Variants in FGD6 observed in about 807,000 individuals in gnomAD.
FGD6 encodes FYVE, RhoGEF and PH domain containing 6.
A neutral mutation model predicts 149.4 loss-of-function variants in FGD6; 90 were observed. That is an observed-to-expected ratio of 0.60 (90% confidence interval 0.51 to 0.72). FGD6 has a LOEUF of 0.72. Among genes scored for constraint, FGD6 ranks in the 30% least tolerant of loss-of-function variants. The probability of loss-of-function intolerance (pLI) is 0.00; values close to 1 mark genes in which losing one functional copy is unlikely to be tolerated. For missense variants in FGD6, 1,437 were observed against 1,684.8 expected (o/e 0.85, Z 2.57); for synonymous variants, 527 against 584.0 (o/e 0.90, Z 1.41).
chr12:95,118,088 T>C (rs1879074479), intron 8 of FGD6, among the ~76,000 whole-genome samples: 1 of 152,076 alleles, frequency 6.6e-6, no homozygotes, highest in East Asian at 1.9e-4. Context: ...TAATGGCTCA[T>C]GCCTGTAATC....
chr12:95,158,115 G>C (rs1033433419), intron 3 of FGD6, among the ~76,000 whole-genome samples: 3 of 146,920 alleles, frequency 2.0e-5, no homozygotes, highest in Non-Finnish European at 4.4e-5. Flanking sequence ...CAAAGTGCTT[G>C]CTGGGATTAC....
intron 2 of FGD6, among the ~76,000 whole-genome samples, chr12:95,176,061 G>A (rs1053434316): frequency 2.0e-5 from 3 of 152,096 alleles, no homozygotes; most frequent in African/African-American, 7.2e-5. Flanking sequence ...AACAACTGTT[G>A]TCAGCTTCTG....
intron 6 of FGD6, among the ~76,000 whole-genome samples, chr12:95,138,289 A>G (rs1238931516): frequency 6.6e-6 from 1 of 152,098 alleles, no homozygotes; most frequent in East Asian, 1.9e-4. Context: ...CACGCCTGTA[A>G]TCCCAGCATT....
chr12:95,174,995 G>A (rs796989053), intron 2 of FGD6, among the ~76,000 whole-genome samples: 246 of 150,716 alleles, frequency 1.6e-3, no homozygotes, highest in African/African-American at 5.9e-3. Flanking sequence ...GGTGTTTCTT[G>A]GTCAAACATC....
intron 8 of FGD6, among the ~76,000 whole-genome samples, chr12:95,129,701 C>T (rs1041849265): frequency 1.3e-5 from 2 of 152,130 alleles, no homozygotes; most frequent in African/African-American, 4.8e-5. Flanking sequence ...GAGACAGAGT[C>T]TTGCTCTGTC....
intron 14 of FGD6, among the ~76,000 whole-genome samples, chr12:95,096,782 G>GT: frequency 1.3e-5 from 2 of 152,344 alleles, no homozygotes; most frequent in South Asian, 4.1e-4. Flanking sequence ...AAACCCAAGT[G>GT]TAGTTAAGGA....
chr12:95,093,723 C>G (rs1339469607), intron 15 of FGD6, among the ~76,000 whole-genome samples: 1 of 151,358 alleles, frequency 6.6e-6, no homozygotes, highest in Non-Finnish European at 1.5e-5. Context: ...GTGGCACGTG[C>G]CTGTAGTCCC....
chr12:95,216,957 C>A (rs1409278129), intron 1 of FGD6, among the ~76,000 whole-genome samples: 2 of 152,248 alleles, frequency 1.3e-5, no homozygotes, highest in African/African-American at 4.8e-5. Context: ...GCCCTTCACA[C>A]ATCGCATTTC....
At chr12:95,138,544 CAAAAGAA>C (rs1030892253) in intron 6 of FGD6, among the ~76,000 whole-genome samples, 1 of 138,580 alleles carries the variant, frequency 7.2e-6, no homozygotes, top group Non-Finnish European at 1.5e-5. Flanking sequence ...GACAATGTCT[CAAAAGAA>C]AAAGAAAAAA....
In FGD6 at chr12:95,209,624, A is replaced by T; in HGVS notation, c.1660T>A (p.Ser554Thr). Residue 554 changes from serine to threonine, a missense_variant, in exon 2 of 21, where the codon TCC (serine) becomes ACC (threonine). Transcript: ENST00000343958. ...LCAQNRGVSS[S>T]FDMPKRASEK... The stretch of plus-strand genomic sequence containing the variant: ...GAAGCCCGTTTAGGCATATCAAAGG[A>T]GGATGACACACCACGGTTTTGGGCA... 1 of 1,613,648 alleles carries T rather than the reference A, an allele frequency of 6.2e-7. No individual in the cohort carries two copies.
At chr12:95,134,581 T>C (rs1879612382) in intron 8 of FGD6, among the ~76,000 whole-genome samples, 158 bp downstream of exon 8, 1 of 152,160 alleles carries the variant, frequency 6.6e-6, no homozygotes, top group Non-Finnish European at 1.5e-5. Context: ...TCAGGCAACG[T>C]ATATGTAAAG....
At chr12:95,115,189 A>G (rs1878968158) in intron 8 of FGD6, among the ~76,000 whole-genome samples, 1 of 131,314 alleles carries the variant, frequency 7.6e-6, no homozygotes, top group Non-Finnish European at 1.6e-5. Context: ...CATAGCACTT[A>G]GTCAGGGGCT....
chr12:95,120,216 G>A (rs1879147498), intron 8 of FGD6, among the ~76,000 whole-genome samples: 1 of 151,784 alleles, frequency 6.6e-6, no homozygotes, highest in Non-Finnish European at 1.5e-5. Flanking sequence ...GTGACAGAGT[G>A]AGTCCGTCTC....
At chr12:95,086,536 CTTTTTTTTTTT>C (rs1010739533) in intron 18 of FGD6, among the ~76,000 whole-genome samples, 6 of 105,734 alleles carry the variant, frequency 5.7e-5, no homozygotes, top group Admixed American at 5.0e-4. Context: ...TTTTTTTTTT[CTTTTTTTTTTT>C]TTTTTTTTTT....
intron 14 of FGD6, among the ~76,000 whole-genome samples, chr12:95,097,634 CAA>C (rs34057454): frequency 4.6e-5 from 2 of 43,390 alleles, no homozygotes; most frequent in African/African-American, 2.0e-4. Context: ...GACTCTGTCT[CAA>C]AAAAAAAAAA....
intron 5 of FGD6, among the ~76,000 whole-genome samples, chr12:95,149,456 ATAT>A (rs1880226595): frequency 7.5e-6 from 1 of 132,712 alleles, no homozygotes; most frequent in Admixed American, 9.3e-5. Context: ...AATACATAGT[ATAT>A]TATACATCAC....
At chr12:95,205,972 T>C (rs2056691089) in intron 2 of FGD6, among the ~76,000 whole-genome samples, 1 of 152,182 alleles carries the variant, frequency 6.6e-6, no homozygotes, top group East Asian at 1.9e-4. Context: ...TGGTTTCCTG[T>C]GGCCTCCAGA....
At chr12:95,083,012 A>AATATATATATATAT (rs1555215600) in intron 20 of FGD6, among the ~76,000 whole-genome samples, 8 of 20,038 alleles carry the variant, frequency 4.0e-4, no homozygotes, top group African/African-American at 1.8e-3. Flanking sequence ...AAAAAAAAAA[A>AATATATATATATAT]ATATATATAT....
chr12:95,173,235 T>C (rs774811082), intron 2 of FGD6, among the ~76,000 whole-genome samples: 1 of 152,204 alleles, frequency 6.6e-6, no homozygotes, highest in Non-Finnish European at 1.5e-5. Context: ...TGTGAACATG[T>C]ACCCTGCTCT....
Sources: allele counts gnomAD v4.1 joint callset (sites outside exome capture counted in the v4.1 genomes callset), GRCh38; gene constraint gnomAD v4.1.1; transcripts MANE v1.5; gene names NCBI Gene and HGNC (gene_info 2026-07-23, HGNC 2026-07-21).